RIC3: variants seen among roughly 807,000 people sequenced by gnomAD.
RIC3 encodes RIC3 acetylcholine receptor chaperone.
Under a neutral mutation model 27.3 loss-of-function variants are expected in RIC3, and 28 were observed. The observed-to-expected ratio is 1.02, with a 90% CI of 0.76 to 1.41. The LOEUF (loss-of-function observed/expected upper bound fraction) is 1.41. Ranked by LOEUF, RIC3 falls within the 40% of genes most tolerant of loss-of-function variation. The probability of loss-of-function intolerance (pLI) is 0.00; values close to 1 mark genes in which losing one functional copy is unlikely to be tolerated. For synonymous variants in RIC3, 184 were observed against 160.4 expected, an observed-to-expected ratio of 1.15 and a Z score of -1.11; for missense variants, 501 against 444.7, an observed-to-expected ratio of 1.13 and a Z score of -1.14.
Position 8,110,741 on chromosome 11 carries a change from G to C in RIC3, c.1067C>G (p.Thr356Arg). 1 of 1,614,222 alleles carries C rather than the reference G, an allele frequency of 6.2e-7. No individual in the cohort carries two copies. The highest frequency in any genetic ancestry group is 1.7e-5 in the Admixed American group (1 of 60,036). ...GTTACGCTTCCTCAGCATGCTGCCT[G>C]TATATGCTTTATCGGTGCTGATGCC... ...GLGISTDKAY[T>R]GSMLRKRNPQ... is the part of the protein sequence containing the mutation. Residue 356 changes from threonine to arginine, a missense_variant, in exon 6 of 6, where the codon ACA (threonine) becomes AGA (arginine). Transcript: ENST00000309737.
intron 1 of RIC3, chr11:8,153,538 C>G (rs1445813975): frequency 2.9e-6 from 1 of 342,130 alleles, no homozygotes; most frequent in Non-Finnish European, 5.6e-6. Flanking sequence ...TTACTCTTCT[C>G]TTTTTCCACT....
intron 1 of RIC3, among the ~76,000 whole-genome samples, chr11:8,149,903 A>G (rs926298961): frequency 7.9e-5 from 12 of 152,106 alleles, no homozygotes; most frequent in Non-Finnish European, 1.5e-4. Context: ...TTGCCTGATA[A>G]GAGACTACCA....
At chr11:8,122,359 T>G (rs953205105) in intron 5 of RIC3, among the ~76,000 whole-genome samples, 17 of 152,134 alleles carry the variant, frequency 1.1e-4, no homozygotes, top group Non-Finnish European at 2.5e-4. Context: ...TGGGAATTAG[T>G]TTTTTCCCCC....
At chr11:8,135,409 G>C (rs1418965521) in intron 4 of RIC3, among the ~76,000 whole-genome samples, 2 of 152,182 alleles carry the variant, frequency 1.3e-5, no homozygotes, top group Non-Finnish European at 2.9e-5. Flanking sequence ...TTTGAAGTCA[G>C]GTAGCATGAT....
At chr11:8,114,147 T>C (rs1021426782) in intron 5 of RIC3, among the ~76,000 whole-genome samples, 8 of 152,204 alleles carry the variant, frequency 5.3e-5, no homozygotes, top group Admixed American at 2.6e-4. Context: ...GACTGGTGAA[T>C]GGCTTTTCCG....
intron 4 of RIC3, among the ~76,000 whole-genome samples, chr11:8,128,982 CT>C (rs1222618403): frequency 6.6e-6 from 1 of 151,954 alleles, no homozygotes; most frequent in Non-Finnish European, 1.5e-5. Flanking sequence ...TCTCAATCTC[CT>C]GACCTCGTGA....
At chr11:8,157,508 T>C (rs1230601151) in intron 1 of RIC3, among the ~76,000 whole-genome samples, 1 of 152,218 alleles carries the variant, frequency 6.6e-6, no homozygotes, top group African/African-American at 2.4e-5. Context: ...CAATGAGTAA[T>C]ACACTCAACT....
downstream of RIC3, chr11:8,101,526 T>C: frequency 6.2e-7 from 1 of 1,614,228 alleles, no homozygotes; most frequent in South Asian, 1.1e-5. Flanking sequence ...TAGCAGAGGA[T>C]GTGTTCACCA....
At chr11:8,123,127 TAGA>T (rs1564992453) in intron 5 of RIC3, among the ~76,000 whole-genome samples, 2 of 151,476 alleles carry the variant, frequency 1.3e-5, no homozygotes, top group South Asian at 2.1e-4. Flanking sequence ...TTAGATACAG[TAGA>T]AGAAGACATC....
downstream of RIC3, chr11:8,104,995 T>TTAGAGGTAA (rs1944485479): frequency 6.6e-6 from 1 of 151,814 alleles, no homozygotes; most frequent in South Asian, 2.1e-4. Context: ...AACTTAGCAT[T>TTAGAGGTAA]TAGAGGTAAT....
chr11:8,137,520 C>A (rs1357330211), intron 3 of RIC3, 49 bp from the exon 4 acceptor site: 1 of 1,509,308 alleles, frequency 6.6e-7, no homozygotes, highest in African/African-American at 1.4e-5. Flanking sequence ...ACTCCCTAAA[C>A]CTGTTAAAGA....
At chr11:8,124,060 C>A (rs1946745551) in intron 5 of RIC3, among the ~76,000 whole-genome samples, 1 of 144,090 alleles carries the variant, frequency 6.9e-6, no homozygotes, top group Non-Finnish European at 1.5e-5. Context: ...CAGGGCAAGA[C>A]CCTGAAAAAA....
chr11:8,116,601 G>T (rs771160297), intron 5 of RIC3, among the ~76,000 whole-genome samples: 1 of 152,138 alleles, frequency 6.6e-6, no homozygotes, highest in African/African-American at 2.4e-5. Context: ...ATGGGCAAAG[G>T]ATATAAATAG....
At chr11:8,136,032 C>T (rs1948363157) in intron 4 of RIC3, among the ~76,000 whole-genome samples, 1 of 152,098 alleles carries the variant, frequency 6.6e-6, no homozygotes, top group African/African-American at 2.4e-5. Context: ...TGTATCTATA[C>T]AACTTTGGGG....
chr11:8,140,282 C>A, intron 1 of RIC3, 89 bp from the exon 2 acceptor site: 1 of 1,198,450 alleles, frequency 8.3e-7, no homozygotes, highest in Non-Finnish European at 1.2e-6. Context: ...ATAAAAGAGG[C>A]CAACACAAAC....
At chr11:8,153,066 G>A (rs1264498523) in intron 1 of RIC3, among the ~76,000 whole-genome samples, 1 of 152,140 alleles carries the variant, frequency 6.6e-6, no homozygotes, top group Non-Finnish European at 1.5e-5. Flanking sequence ...ACCTGTATTA[G>A]AATTAAGGTT....
intron 1 of RIC3, among the ~76,000 whole-genome samples, chr11:8,155,394 G>T (rs751216467): frequency 1.3e-5 from 2 of 151,920 alleles, no homozygotes; most frequent in Non-Finnish European, 2.9e-5. Flanking sequence ...TGGCCAACAC[G>T]GTGAAACTCC....
chr11:8,112,484 G>A (rs1209211274), intron 5 of RIC3, among the ~76,000 whole-genome samples: 5 of 151,942 alleles, frequency 3.3e-5, no homozygotes, highest in East Asian at 1.9e-4. Flanking sequence ...TAGCAGAGAC[G>A]GGGTTTCACT....
At chr11:8,114,606 CAAA>C (rs58294024) in intron 5 of RIC3, among the ~76,000 whole-genome samples, 4 of 136,676 alleles carry the variant, frequency 2.9e-5, no homozygotes, top group African/African-American at 8.2e-5. Flanking sequence ...AACTCCATCT[CAAA>C]AAAAAAAAAA....
Sources: gnomAD v4.1 joint callset for allele counts (sites outside exome capture counted in the v4.1 genomes callset) on GRCh38, gnomAD v4.1.1 for gene constraint, MANE v1.5 for transcripts, NCBI Gene and HGNC (gene_info 2026-07-23, HGNC 2026-07-21) for gene names.